The following CEP112 variants were observed in gnomAD, a reference collection of about 807,000 sequenced individuals.
CEP112 encodes centrosomal protein of 112 kDa.
CEP112 carries 127 observed loss-of-function variants against 153.0 expected under a neutral mutation model. The observed-to-expected ratio is 0.83, with a 90% CI of 0.72 to 0.96. The LOEUF is 0.96. Among genes scored for constraint, CEP112 ranks in the 40% least tolerant of loss-of-function variants. The pLI is 0.00. For missense variants in CEP112, 1,089 were observed against 1,101.2 expected, an observed-to-expected ratio of 0.99 and a Z score of 0.16; for synonymous variants, 358 against 374.4, an observed-to-expected ratio of 0.96 and a Z score of 0.51.
At chr17:65,852,489 C>T (rs893256293) in intron 20 of CEP112, among the ~76,000 whole-genome samples, 2 of 99,488 alleles carry the variant, frequency 2.0e-5, no homozygotes, top group Admixed American at 1.1e-4. Context: ...TTCCCTCCCT[C>T]ATTCCCTCCC....
intron 25 of CEP112, among the ~76,000 whole-genome samples, chr17:65,637,598 C>T (rs1380542980): frequency 2.6e-5 from 4 of 152,246 alleles, no homozygotes. Flanking sequence ...GTCACCTCTC[C>T]TGTGGAATCG....
intron 20 of CEP112, among the ~76,000 whole-genome samples, chr17:65,874,153 T>C (rs561118535): frequency 1.3e-5 from 2 of 152,292 alleles, no homozygotes; most frequent in African/African-American, 2.4e-5. Flanking sequence ...GTCATTTCCA[T>C]TGAAAATGAT....
chr17:66,186,505 G>A (rs2072943354), intron 1 of CEP112, among the ~76,000 whole-genome samples: 1 of 152,092 alleles, frequency 6.6e-6, no homozygotes, highest in Non-Finnish European at 1.5e-5. Flanking sequence ...TAGCCAGGCT[G>A]GTCTTGATCT....
chr17:65,937,905 A>G (rs546572593), intron 18 of CEP112, among the ~76,000 whole-genome samples: 7,887 of 73,522 alleles, frequency 0.11, 717 homozygotes, highest in East Asian at 0.31. Context: ...CCACCACCCC[A>G]TCTGGGAGGT....
At chr17:65,807,474 C>T (rs1421220698) in intron 21 of CEP112, among the ~76,000 whole-genome samples, 1 of 152,142 alleles carries the variant, frequency 6.6e-6, no homozygotes, top group Non-Finnish European at 1.5e-5. Flanking sequence ...ATAGCCAAGA[C>T]AATGGGGAAA....
Position 66,073,699 on chromosome 17 carries a change from T to C in CEP112, c.769-3698A>G, listed in dbSNP as rs372015709. Among the ~76,000 whole-genome samples the C allele has an allele frequency of 1.1e-4, 17 of 152,350 alleles. No homozygotes were observed. In the South Asian group the frequency reaches 3.5e-3, roughly 32 times the overall value. ...GAAAGCAAGCCTCAGAAAGATAGTT[T>C]GTAAGACAGGTCCCATGGTGTTGGA... On this transcript the variant is annotated intron_variant, in intron 8 of 26. Transcript: ENST00000535342.
intron 21 of CEP112, chr17:65,751,107 TA>T (rs2145254843): frequency 5.8e-6 from 1 of 171,452 alleles, no homozygotes. Context: ...GTAAATTTAA[TA>T]CTTTTTCACC....
rs554728186 is a variant in CEP112 at position 65,895,350 on chromosome 17, T to C, written c.2163+6802A>G. 1.6e-4 allele frequency among the ~76,000 whole-genome samples: 24 copies of C among 152,144 alleles called. No homozygotes were observed. The South Asian group carries it at 4.8e-3, about 30-fold the overall frequency. ...CCATAAATACTTGTTGTTGTTGTTG[T>C]TGTTGCTGTTGCTACTGCTGCTGTT... On this transcript the variant is annotated intron_variant, in intron 20 of 26. Coordinates refer to ENST00000535342, the MANE Select transcript of CEP112 (RefSeq NM_001199165.4).
At chr17:66,001,582 GTT>G (rs2064054692) in intron 17 of CEP112, among the ~76,000 whole-genome samples, 2 of 152,166 alleles carry the variant, frequency 1.3e-5, no homozygotes, top group South Asian at 2.1e-4. Flanking sequence ...TAAAAACAGA[GTT>G]TGAAAAATTA....
intron 24 of CEP112, among the ~76,000 whole-genome samples, chr17:65,659,709 G>A (rs1052313324): frequency 5.9e-5 from 9 of 152,288 alleles, no homozygotes; most frequent in Admixed American, 2.6e-4. Flanking sequence ...GGAGTGTGAC[G>A]TCATCAAAAT....
At position 65,825,908 on chromosome 17, in the gene CEP112, G is replaced by T. The variant is rs569672943; in HGVS notation, c.2394+25896C>A. On this transcript the variant is annotated intron_variant, in intron 21 of 26. Coordinates refer to ENST00000535342, the MANE Select transcript of CEP112 (RefSeq NM_001199165.4). The stretch of plus-strand genomic sequence containing the variant: ...AAAGTTCTGCCAGATTCTGCCTGTT[G>T]CCCCCAGATGTCAGACACCTCCCTG... Among the ~76,000 whole-genome samples the T allele has an allele frequency of 2.0e-4, 30 of 152,160 alleles. No homozygotes were observed. The South Asian group carries it at 5.8e-3, about 29-fold the overall frequency.
intron 17 of CEP112, among the ~76,000 whole-genome samples, chr17:65,991,121 C>G (rs1461669348): frequency 1.3e-5 from 2 of 152,164 alleles, no homozygotes; most frequent in Non-Finnish European, 2.9e-5. Flanking sequence ...AAATAATTCT[C>G]TTTTGGATTA....
In CEP112 at chr17:65,873,896, T is replaced by A. The variant is rs933505373; in HGVS notation, c.2164-21862A>T. ...GGGTATATAGCATATACCAATTTCATGTCATAAGGAAAGAATTTTTCCCAG... is the reference window on the plus strand; with the variant it reads ...GGGTATATAGCATATACCAATTTCAAGTCATAAGGAAAGAATTTTTCCCAG... On this transcript the variant is annotated intron_variant, in intron 20 of 26. Coordinates refer to ENST00000535342, the MANE Select transcript of CEP112 (RefSeq NM_001199165.4). 2.0e-5 allele frequency among the ~76,000 whole-genome samples: 3 copies of A among 152,206 alleles called. No individual in the cohort carries two copies. In the East Asian group the frequency reaches 5.8e-4, roughly 29 times the overall value.
chr17:65,991,586 T>C (rs969889969), intron 17 of CEP112, among the ~76,000 whole-genome samples: 3 of 152,262 alleles, frequency 2.0e-5, no homozygotes, highest in African/African-American at 7.2e-5. Context: ...CAAGAATACT[T>C]TTTGAAAGTT....
intron 24 of CEP112, among the ~76,000 whole-genome samples, chr17:65,662,833 T>C (rs1265613040): frequency 6.6e-6 from 1 of 152,178 alleles, no homozygotes; most frequent in African/African-American, 2.4e-5. Context: ...ACTTCATCTA[T>C]AAGTGAAAAC....
intron 21 of CEP112, among the ~76,000 whole-genome samples, chr17:65,820,777 C>A (rs748903535): frequency 6.6e-6 from 1 of 151,946 alleles, no homozygotes; most frequent in Admixed American, 6.6e-5. Context: ...GAAATATAGG[C>A]CTAAATTATA....
At chr17:66,034,980 A>G (rs1458507130) in intron 12 of CEP112, among the ~76,000 whole-genome samples, 553 of 25,438 alleles carry the variant, frequency 0.022, 6 homozygotes, top group Middle Eastern at 0.042. Flanking sequence ...TTGCATGTAT[A>G]TATATATATA....
At chr17:65,671,445 T>C (rs1412823810) in intron 24 of CEP112, among the ~76,000 whole-genome samples, 1 of 152,178 alleles carries the variant, frequency 6.6e-6, no homozygotes, top group Non-Finnish European at 1.5e-5. Context: ...AAGAATGGTG[T>C]TTCTATCCTG....
chr17:65,884,555 GA>G (rs899894719), intron 20 of CEP112, among the ~76,000 whole-genome samples: 5 of 152,132 alleles, frequency 3.3e-5, no homozygotes, highest in African/African-American at 1.2e-4. Flanking sequence ...TCTAAAGAGG[GA>G]AAGACAAGTC....
Sources: allele counts gnomAD v4.1 joint callset (sites outside exome capture counted in the v4.1 genomes callset), GRCh38; gene constraint gnomAD v4.1.1; transcripts MANE v1.5; gene names NCBI Gene and HGNC (gene_info 2026-07-23, HGNC 2026-07-21).